The following NECAB1 variants were observed in gnomAD, a reference collection of about 807,000 sequenced individuals.
The protein encoded by NECAB1 is N-terminal EF-hand calcium-binding protein 1.
A neutral mutation model predicts 57.5 loss-of-function variants in NECAB1; 29 were observed. That is an observed-to-expected ratio of 0.50 (90% CI 0.38 to 0.69). The LOEUF is 0.69. Among genes scored for constraint, NECAB1 ranks in the 30% least tolerant of loss-of-function variants. The pLI is 0.00. For missense variants in NECAB1, 372 were observed against 413.8 expected (o/e 0.90, Z 0.88); for synonymous variants, 142 against 147.7 (o/e 0.96, Z 0.28).
chr8:90,834,841 T>G (rs1303385468), intron 3 of NECAB1, among the ~76,000 whole-genome samples: 1 of 152,168 alleles, frequency 6.6e-6, no homozygotes, highest in Non-Finnish European at 1.5e-5. Context: ...CTCTTGCTTT[T>G]AGATTTCTTT....
Position 90,928,139 on chromosome 8 carries a change from T to A in NECAB1, c.617-84T>A, listed in dbSNP as rs371121378. On this transcript the variant is annotated intron_variant, in intron 7 of 12. Transcript: ENST00000417640. ...GTGACACTGCATCTTTCCTTCAGGG[T>A]TGAAGGAAAGCTCTGATATAACCAA... is the stretch of plus-strand genomic sequence containing the variant. The A allele has an allele frequency of 1.3e-5, 13 of 1,013,522 alleles. No homozygotes were observed. In the East Asian group the frequency reaches 3.3e-4, roughly 25 times the overall value. 62.8% of individuals were successfully genotyped at this position (1,013,522 alleles called of 1,614,324 possible).
chr8:90,950,183 G>A (rs1211834836), intron 11 of NECAB1, among the ~76,000 whole-genome samples: 1 of 152,072 alleles, frequency 6.6e-6, no homozygotes, highest in Non-Finnish European at 1.5e-5. Flanking sequence ...GCTGGTGAGG[G>A]TAGTGGTGGG....
intron 3 of NECAB1, among the ~76,000 whole-genome samples, chr8:90,829,700 G>A (rs1222907027): frequency 6.6e-6 from 1 of 152,026 alleles, no homozygotes; most frequent in Non-Finnish European, 1.5e-5. Context: ...TTAAATCACT[G>A]AAGCACACCA....
chr8:90,890,663 A>C (rs1376446998), intron 5 of NECAB1, among the ~76,000 whole-genome samples: 1 of 152,166 alleles, frequency 6.6e-6, no homozygotes, highest in African/African-American at 2.4e-5. Context: ...GGTCACCCTA[A>C]AACAAGTTTT....
Position 90,869,433 on chromosome 8 carries a change from C to T in NECAB1, c.234-2695C>T, listed in dbSNP as rs185823331. On this transcript the variant is annotated intron_variant, in intron 3 of 12. Coordinates refer to ENST00000417640, the MANE Select transcript of NECAB1 (RefSeq NM_022351.5). The stretch of plus-strand genomic sequence containing the variant: ...AAAGCCACAAGTACTCAATGTCAGC[C>T]CATGAAAGCAGCTACAGGGGCTGGA... Among the ~76,000 whole-genome samples, 255 of 152,296 alleles carry T rather than the reference C, an allele frequency of 1.7e-3. 1 individual carries two copies. Among genetic ancestry groups the T allele is most frequent in the African/African-American group, 6.0e-3 (248 of 41,554 alleles).
intron 9 of NECAB1, among the ~76,000 whole-genome samples, chr8:90,938,638 C>T (rs1810597668): frequency 6.6e-6 from 1 of 152,122 alleles, no homozygotes; most frequent in Non-Finnish European, 1.5e-5. Flanking sequence ...ATCTGGGGCT[C>T]TTTAAATGGA....
chr8:90,791,988 A>G lies in NECAB1; in HGVS notation c.99+3A>G. The G allele has an allele frequency of 1.9e-6, 3 of 1,551,064 alleles. No individual in the cohort carries two copies. Among genetic ancestry groups the G allele is most frequent in the Non-Finnish European group, 2.6e-6 (3 of 1,146,456 alleles). ...AGGGCATGTCGATCTTCCTCGACGT[A>G]AGTACAGATGGTGGGAGCTGGGCGG... is the stretch of plus-strand genomic sequence containing the variant. On this transcript the variant is annotated splice_donor_region_variant and intron_variant, in intron 1 of 12. Transcript: ENST00000417640.
chr8:90,921,014 TTTTG>T (rs552540513), intron 6 of NECAB1, among the ~76,000 whole-genome samples: 3 of 151,966 alleles, frequency 2.0e-5, no homozygotes, highest in African/African-American at 2.4e-5. Context: ...TTCACCAGTT[TTTTG>T]TTTGTTTGTT....
chr8:90,918,374 T>A (rs746052972), intron 6 of NECAB1, among the ~76,000 whole-genome samples: 1 of 151,814 alleles, frequency 6.6e-6, no homozygotes, highest in Non-Finnish European at 1.5e-5. Flanking sequence ...TTATGAATAA[T>A]ATAAAGATAC....
intron 8 of NECAB1, among the ~76,000 whole-genome samples, chr8:90,930,597 G>C (rs1443752639): frequency 6.6e-6 from 1 of 152,162 alleles, no homozygotes; most frequent in Non-Finnish European, 1.5e-5. Context: ...AGGAGATTCT[G>C]TGCAAGAGCC....
At chr8:90,927,946 G>A (rs938817643) in intron 7 of NECAB1, among the ~76,000 whole-genome samples, 1 of 151,872 alleles carries the variant, frequency 6.6e-6, no homozygotes, top group Non-Finnish European at 1.5e-5. Flanking sequence ...CTACATCACG[G>A]GGTTTTGTAA....
chr8:90,870,722 A>G (rs1005473030), intron 3 of NECAB1, among the ~76,000 whole-genome samples: 7 of 152,182 alleles, frequency 4.6e-5, no homozygotes, highest in Admixed American at 1.3e-4. Flanking sequence ...GTGTGAGTCT[A>G]CCTCTAAGTT....
chr8:90,844,030 A>G (rs1032010464), intron 3 of NECAB1, among the ~76,000 whole-genome samples: 16 of 152,168 alleles, frequency 1.1e-4, no homozygotes, highest in African/African-American at 3.6e-4. Flanking sequence ...TCAGGTGGGT[A>G]GAAAAGGAAA....
chr8:90,847,961 G>T (rs1313181800), intron 3 of NECAB1, among the ~76,000 whole-genome samples: 1 of 152,206 alleles, frequency 6.6e-6, no homozygotes, highest in Non-Finnish European at 1.5e-5. Flanking sequence ...CCATTGTCTT[G>T]GTGATTAACA....
chr8:90,880,979 T>C (rs1368119316), intron 4 of NECAB1, 54 bp from the exon 5 acceptor site: 26 of 1,347,050 alleles, frequency 1.9e-5, no homozygotes, highest in Middle Eastern at 1.8e-4. Context: ...ATTTTTTTGT[T>C]TTATGGTTAC....
intron 1 of NECAB1, among the ~76,000 whole-genome samples, chr8:90,796,014 AC>A (rs1811655782): frequency 6.6e-6 from 1 of 152,242 alleles, no homozygotes; most frequent in Non-Finnish European, 1.5e-5. Context: ...ATTTAAAAAT[AC>A]ACTTAGTCTT....
chr8:90,893,548 A>G (rs917490624), intron 5 of NECAB1, among the ~76,000 whole-genome samples: 2 of 152,172 alleles, frequency 1.3e-5, no homozygotes, highest in African/African-American at 4.8e-5. Context: ...GTCCCTTCCA[A>G]GGGACTAGGG....
chr8:90,941,102 T>C (rs1810660002), intron 10 of NECAB1, among the ~76,000 whole-genome samples: 1 of 152,192 alleles, frequency 6.6e-6, no homozygotes, highest in Non-Finnish European at 1.5e-5. Flanking sequence ...CCCCGTGTCG[T>C]CTAATCTTTA....
chr8:90,921,459 A>T (rs964611172), intron 6 of NECAB1, among the ~76,000 whole-genome samples: 2 of 151,800 alleles, frequency 1.3e-5, no homozygotes, highest in Non-Finnish European at 2.9e-5. Context: ...ACCTGAGGTC[A>T]GGAGTTCGAG....
Sources: allele counts gnomAD v4.1 joint callset (sites outside exome capture counted in the v4.1 genomes callset), GRCh38; gene constraint gnomAD v4.1.1; transcripts MANE v1.5; gene names NCBI Gene and HGNC (gene_info 2026-07-23, HGNC 2026-07-21).